DIP2C: variants seen among roughly 807,000 people sequenced by gnomAD.
DIP2C encodes the protein disco-interacting protein 2 homolog C.
Under a neutral mutation model 192.4 loss-of-function variants are expected in DIP2C, and 33 were observed. The observed-to-expected ratio is 0.17, with a 90% CI of 0.13 to 0.23. DIP2C has a LOEUF of 0.23. Among genes scored for constraint, DIP2C ranks in the 10% least tolerant of loss-of-function variants. The pLI is 1.00. For synonymous variants in DIP2C, 979 were observed against 864.1 expected (o/e 1.13, Z -2.33); for missense variants, 1,537 against 2,110.1 (o/e 0.73, Z 5.32).
intron 17 of DIP2C, among the ~76,000 whole-genome samples, chr10:378,615 A>G (rs1232598879): frequency 1.3e-5 from 2 of 150,790 alleles, no homozygotes; most frequent in African/African-American, 4.9e-5. Context: ...ACAGACATGC[A>G]TAAAGACACA....
chr10:465,343 C>T (rs951655366), intron 3 of DIP2C, among the ~76,000 whole-genome samples: 18 of 147,168 alleles, frequency 1.2e-4, no homozygotes, highest in Admixed American at 2.7e-4. Flanking sequence ...AACAACCCTT[C>T]ATGCTAAAAA....
intron 23 of DIP2C, among the ~76,000 whole-genome samples, chr10:357,484 C>T (rs867700752): frequency 2.6e-5 from 4 of 152,214 alleles, no homozygotes; most frequent in Non-Finnish European, 5.9e-5. Context: ...TCCTGCGAGT[C>T]GTGGGACTGG....
At chr10:517,319 G>A (rs1846425932) in intron 1 of DIP2C, among the ~76,000 whole-genome samples, 1 of 152,146 alleles carries the variant, frequency 6.6e-6, no homozygotes, top group Non-Finnish European at 1.5e-5. Context: ...CCCCACTATG[G>A]TAGAACACAG....
chr10:378,811 AAAT>A lies in DIP2C; in HGVS notation c.1991+3833_1991+3835del, dbSNP rs1962000648. 3.3e-4 allele frequency among the ~76,000 whole-genome samples: 50 copies of A among 149,562 alleles called. 1 individual carries two copies. In the East Asian group the frequency reaches 9.3e-3, roughly 28 times the overall value. On this transcript the variant is annotated intron_variant, in intron 17 of 36. Coordinates refer to ENST00000280886, the MANE Select transcript of DIP2C (RefSeq NM_014974.3). ...CACCCATGGACATGCATAAAGACAC[AAAT>A]GAACAGACATGCACAGATGTGAACA...
chr10:350,035 G>A (rs945976937), intron 24 of DIP2C, among the ~76,000 whole-genome samples: 3 of 152,216 alleles, frequency 2.0e-5, no homozygotes, highest in African/African-American at 7.2e-5. Flanking sequence ...TTACACGAGG[G>A]TTGTGAGGGA....
chr10:319,428 TAAAC>T (rs559268976), intron 31 of DIP2C, among the ~76,000 whole-genome samples: 53 of 152,136 alleles, frequency 3.5e-4, no homozygotes, highest in African/African-American at 1.3e-3. Context: ...TCCTAATAAA[TAAAC>T]AACCGCGGTC....
intron 1 of DIP2C, among the ~76,000 whole-genome samples, chr10:601,275 A>C (rs193063981): frequency 6.6e-6 from 1 of 152,336 alleles, no homozygotes; most frequent in Admixed American, 6.5e-5. Flanking sequence ...ATCAGGCAAA[A>C]ATTTTAGGAA....
intron 17 of DIP2C, among the ~76,000 whole-genome samples, chr10:376,127 G>T (rs1961550578): frequency 6.6e-6 from 1 of 152,212 alleles, no homozygotes; most frequent in Non-Finnish European, 1.5e-5. Context: ...TGCTCACACG[G>T]GCCTCTGACG....
intron 1 of DIP2C, among the ~76,000 whole-genome samples, chr10:559,320 G>T (rs1040792338): frequency 7.6e-6 from 1 of 131,730 alleles, no homozygotes; most frequent in Non-Finnish European, 1.6e-5. Context: ...CCATGGGGGC[G>T]GTGGGGAACG....
chr10:439,714 A>C (rs1179801221), intron 4 of DIP2C, among the ~76,000 whole-genome samples: 1 of 151,318 alleles, frequency 6.6e-6, no homozygotes, highest in African/African-American at 2.5e-5. Flanking sequence ...AAAGGTATAA[A>C]GGTGAATACT....
At chr10:282,801 G>C (rs1448954306) in intron 35 of DIP2C, among the ~76,000 whole-genome samples, 1 of 152,262 alleles carries the variant, frequency 6.6e-6, no homozygotes, top group Admixed American at 6.5e-5. Context: ...CTGGCCACCA[G>C]GGCCCGAGAG....
intron 1 of DIP2C, among the ~76,000 whole-genome samples, chr10:648,364 C>T (rs1855611363): frequency 6.6e-6 from 1 of 151,176 alleles, no homozygotes. Context: ...CAGAGCAAAA[C>T]TGAGTCCACG....
intron 1 of DIP2C, among the ~76,000 whole-genome samples, chr10:541,381 T>TC (rs1554895536): frequency 1.3e-5 from 2 of 151,986 alleles, no homozygotes; most frequent in Non-Finnish European, 2.9e-5. Context: ...AGCTTGACCT[T>TC]CCACCTGACC....
chr10:557,033 C>CGG (rs2130975481), intron 1 of DIP2C, among the ~76,000 whole-genome samples: 1 of 152,356 alleles, frequency 6.6e-6, no homozygotes, highest in African/African-American at 2.4e-5. Context: ...TGGTCCCACA[C>CGG]GGCTGTGTGC....
In DIP2C at chr10:475,208, G is replaced by A. The variant is rs199908077; in HGVS notation, c.158-2659C>T. Among the ~76,000 whole-genome samples the A allele has an allele frequency of 3.6e-4, 55 of 152,298 alleles. No homozygotes were observed. The East Asian group carries it at 7.5e-3, about 21-fold the overall frequency. On this transcript the variant is annotated intron_variant, in intron 2 of 36. Transcript: ENST00000280886. ...AGCGGCCGCCTGCTTCCTGGACACC[G>A]TTCTCTGGGCTCCATGTGTACAGCA...
chr10:668,717 T>C (rs879818325), intron 1 of DIP2C: 2 of 152,224 alleles, frequency 1.3e-5, no homozygotes, highest in South Asian at 2.1e-4. Context: ...AAACAGCACA[T>C]GCACAGTTTC....
intron 10 of DIP2C, among the ~76,000 whole-genome samples, chr10:391,448 C>G (rs1963449051): frequency 6.6e-6 from 1 of 152,196 alleles, no homozygotes. Context: ...TGCTGTGCAG[C>G]CCCACTGGAG....
At chr10:366,544 A>G (rs981923036) in intron 18 of DIP2C, 133 bp from the exon 19 acceptor site, 1 of 1,244,854 alleles carries the variant, frequency 8.0e-7, no homozygotes, top group African/African-American at 1.5e-5. Context: ...CACGGATGGT[A>G]GTCAGCCAGG....
chr10:435,964 TATATATAA>T lies in DIP2C; in HGVS notation c.394+4899_394+4906del, dbSNP rs1341849510. On this transcript the variant is annotated intron_variant, in intron 4 of 36. Coordinates refer to ENST00000280886, the MANE Select transcript of DIP2C (RefSeq NM_014974.3). ...TAAACCTACTTTGTAGCCTCATATATATATATAAATATATAAACAGGTACAATTAATTT... is the reference window on the plus strand; with the variant it reads ...TAAACCTACTTTGTAGCCTCATATATATATATAAACAGGTACAATTAATTT... Among the ~76,000 whole-genome samples the T allele has an allele frequency of 3.9e-5, 6 of 152,216 alleles. No individual in the cohort carries two copies. The South Asian group carries it at 8.3e-4, about 21-fold the overall frequency.
Sources: gnomAD v4.1 joint callset for allele counts (sites outside exome capture counted in the v4.1 genomes callset) on GRCh38, gnomAD v4.1.1 for gene constraint, MANE v1.5 for transcripts, NCBI Gene and HGNC (gene_info 2026-07-23, HGNC 2026-07-21) for gene names.